Variants in MYO5C observed in about 807,000 individuals in gnomAD.
MYO5C encodes unconventional myosin-Vc.
MYO5C carries 194 observed loss-of-function variants against 235.7 expected under a neutral mutation model. The observed-to-expected ratio is 0.82, with a 90% CI of 0.73 to 0.93. MYO5C has a LOEUF of 0.93. Ranked by LOEUF, MYO5C falls within the 40% of genes least tolerant of loss-of-function variation. The pLI is 0.00. For missense variants in MYO5C, 2,038 were observed against 2,127.2 expected (o/e 0.96, Z 0.82); for synonymous variants, 707 against 754.8 (o/e 0.94, Z 1.04).
At chr15:52,201,919 TAA>T (rs57001210) in intron 38 of MYO5C, among the ~76,000 whole-genome samples, 5,446 of 125,906 alleles carry the variant, frequency 0.043, 236 homozygotes, top group African/African-American at 0.12. Context: ...GGGATAATAC[TAA>T]AAAAAAAAAA....
chr15:52,226,524 C>T (rs1471931837), intron 25 of MYO5C, among the ~76,000 whole-genome samples: 1 of 152,208 alleles, frequency 6.6e-6, no homozygotes, highest in Non-Finnish European at 1.5e-5. Flanking sequence ...AGGGCTCCAG[C>T]CCCTGTTTCT....
At chr15:52,247,758 T>C (rs1055020259) in intron 14 of MYO5C, among the ~76,000 whole-genome samples, 166 bp from the exon 15 acceptor site, 3 of 152,198 alleles carry the variant, frequency 2.0e-5, no homozygotes, top group South Asian at 2.1e-4. Context: ...TCGTCTTTCA[T>C]AGGGATGGCC....
rs748314747 is a variant in MYO5C at position 52,204,794 on chromosome 15, G to T, written c.4820+71C>A. The T allele has an allele frequency of 5.8e-6, 9 of 1,541,114 alleles. No individual in the cohort carries two copies. In the East Asian group the frequency reaches 1.6e-4, roughly 27 times the overall value. Reference sequence around the variant, plus strand: ...CGCCACAGCAGGGAGGGTCAGGCGCGTGGGGCCTCGGACTTCAAGAGCATC... The same window carrying T: ...CGCCACAGCAGGGAGGGTCAGGCGCTTGGGGCCTCGGACTTCAAGAGCATC... On this transcript the variant is annotated intron_variant, in intron 38 of 40. Coordinates refer to ENST00000261839, the MANE Select transcript of MYO5C (RefSeq NM_018728.4).
At chr15:52,255,539 T>C (rs2036562050) in intron 11 of MYO5C, among the ~76,000 whole-genome samples, 1 of 152,258 alleles carries the variant, frequency 6.6e-6, no homozygotes, top group East Asian at 1.9e-4. Flanking sequence ...AAGGAGGCAA[T>C]TATAAAAAAA....
At chr15:52,202,354 G>A (rs2035207859) in intron 38 of MYO5C, among the ~76,000 whole-genome samples, 1 of 152,152 alleles carries the variant, frequency 6.6e-6, no homozygotes, top group Non-Finnish European at 1.5e-5. Flanking sequence ...TCCAGCCTGG[G>A]TGACAGAGTG....
intron 25 of MYO5C, among the ~76,000 whole-genome samples, chr15:52,228,168 G>T (rs936734653): frequency 1.3e-5 from 2 of 151,320 alleles, no homozygotes; most frequent in Admixed American, 1.3e-4. Context: ...TTTTGAGACG[G>T]AGTCTCGGTC....
chr15:52,264,380 G>C, intron 8 of MYO5C, 84 bp from the exon 9 acceptor site: 1 of 1,079,352 alleles, frequency 9.3e-7, no homozygotes, highest in Non-Finnish European at 1.4e-6. Flanking sequence ...TTCAAGATAT[G>C]CAGGTAGCAT....
At chr15:52,226,918 C>A (rs1459675891) in intron 25 of MYO5C, among the ~76,000 whole-genome samples, 1 of 152,014 alleles carries the variant, frequency 6.6e-6, no homozygotes, top group Non-Finnish European at 1.5e-5. Context: ...GAGGCTAGTG[C>A]GGGTGGATCA....
intron 1 of MYO5C, among the ~76,000 whole-genome samples, chr15:52,283,963 C>G (rs546091751): frequency 6.6e-6 from 1 of 152,190 alleles, no homozygotes; most frequent in East Asian, 1.9e-4. Flanking sequence ...GCATGAGCCA[C>G]CACGCCTGGC....
intron 23 of MYO5C, 124 bp downstream of exon 23, chr15:52,235,546 A>C: frequency 7.8e-6 from 5 of 643,508 alleles, no homozygotes; most frequent in Non-Finnish European, 1.3e-5. Flanking sequence ...CCTTGTGAGC[A>C]AAAATTGCCT....
intron 9 of MYO5C, among the ~76,000 whole-genome samples, chr15:52,262,378 G>A (rs967117522): frequency 4.6e-5 from 7 of 152,128 alleles, no homozygotes; most frequent in Non-Finnish European, 8.8e-5. Flanking sequence ...GAAGCTTCAC[G>A]GGAGAGGGCT....
At chr15:52,240,714 T>C (rs1376488839) in intron 20 of MYO5C, among the ~76,000 whole-genome samples, 1 of 152,028 alleles carries the variant, frequency 6.6e-6, no homozygotes, top group African/African-American at 2.4e-5. Context: ...CCTGGGCAAC[T>C]GAGTGAGACC....
intron 14 of MYO5C, among the ~76,000 whole-genome samples, chr15:52,248,184 CAGA>C (rs1292925641): frequency 3.3e-5 from 5 of 152,234 alleles, no homozygotes; most frequent in Admixed American, 6.5e-5. Flanking sequence ...CTCTGCTGCC[CAGA>C]AGAAGAGTGC....
At chr15:52,248,569 A>T in intron 14 of MYO5C, 131 bp downstream of exon 14, 1 of 628,650 alleles carries the variant, frequency 1.6e-6, no homozygotes, top group Non-Finnish European at 2.7e-6. Context: ...GCTACAACTT[A>T]CCACTGTCCA....
chr15:52,245,704 C>CG (rs1566977537), intron 17 of MYO5C, among the ~76,000 whole-genome samples: 1 of 152,194 alleles, frequency 6.6e-6, no homozygotes, highest in East Asian at 1.9e-4. Context: ...CCCTAGTACA[C>CG]GGGGGAGGCG....
chr15:52,242,370 T>C (rs1345172641), intron 19 of MYO5C, 157 bp from the exon 20 acceptor site: 2 of 747,556 alleles, frequency 2.7e-6, no homozygotes, highest in Non-Finnish European at 4.3e-6. Context: ...TAATGCCTAC[T>C]TGAGGCCAGT....
At chr15:52,269,936 G>C in intron 7 of MYO5C, 76 bp from the exon 8 acceptor site, 1 of 996,426 alleles carries the variant, frequency 1.0e-6, no homozygotes. Context: ...AAGAAGGGAA[G>C]TTCATACTCA....
intron 1 of MYO5C, among the ~76,000 whole-genome samples, chr15:52,286,102 A>C (rs1300927952): frequency 6.7e-6 from 1 of 148,684 alleles, no homozygotes; most frequent in Non-Finnish European, 1.5e-5. Flanking sequence ...AGAAGTGAGG[A>C]GCCCCTCCGC....
At position 52,245,443 on chromosome 15, in the gene MYO5C, T is replaced by C; in HGVS notation, c.2089A>G (p.Ser697Gly). 1 of 1,613,976 alleles carries C rather than the reference T, an allele frequency of 6.2e-7. No individual in the cohort carries two copies. The highest frequency in any genetic ancestry group is 8.5e-7 in the Non-Finnish European group (1 of 1,179,858). The change falls in exon 18 of 41, where the codon AGT (serine) becomes GGT (glycine). Residue 697 changes from serine (S) to glycine (G), a missense_variant. By Grantham distance (56) the Ser-to-Gly change is moderately conservative. Coordinates refer to ENST00000261839, the MANE Select transcript of MYO5C (RefSeq NM_018728.4). ...TTGGTCATGAGAATGCCGTAGCGACTGTAGAACTCGATGTATGTCCACCTG... is the reference window on the plus strand; with the variant it reads ...TTGGTCATGAGAATGCCGTAGCGACCGTAGAACTCGATGTATGTCCACCTG... ...PSRWTYIEFY[S>G]RYGILMTKQE...
Sources: allele counts gnomAD v4.1 joint callset (sites outside exome capture counted in the v4.1 genomes callset), GRCh38; gene constraint gnomAD v4.1.1; transcripts MANE v1.5; gene names NCBI Gene and HGNC (gene_info 2026-07-23, HGNC 2026-07-21).